Variants in DCC observed in about 807,000 individuals in gnomAD.
DCC encodes DCC netrin 1 receptor, also known as netrin receptor DCC.
In DCC, 58 loss-of-function variants were observed where a neutral mutation model predicts 172.5. That is an observed-to-expected ratio of 0.34 (90% confidence interval 0.27 to 0.42). The LOEUF is 0.42. Among genes scored for constraint, DCC ranks in the 10% least tolerant of loss-of-function variants. The pLI is 1.00. For synonymous variants in DCC, 709 were observed against 644.5 expected (o/e 1.10, Z -1.52); for missense variants, 1,740 against 1,791.0 (o/e 0.97, Z 0.51).
intron 9 of DCC, among the ~76,000 whole-genome samples, chr18:53,201,846 A>G (rs1265891039): frequency 1.3e-5 from 2 of 152,146 alleles, no homozygotes; most frequent in Non-Finnish European, 2.9e-5. Context: ...AGACACTCAT[A>G]AAGTGTCTGT....
chr18:53,192,141 G>GT (rs1462344403), intron 9 of DCC, among the ~76,000 whole-genome samples: 3 of 152,154 alleles, frequency 2.0e-5, no homozygotes, highest in African/African-American at 7.2e-5. Context: ...GGAAAACTAG[G>GT]TTTTCTGCCC....
At chr18:52,426,180 T>C (rs762205167) in intron 1 of DCC, among the ~76,000 whole-genome samples, 1 of 152,110 alleles carries the variant, frequency 6.6e-6, no homozygotes, top group African/African-American at 2.4e-5. Context: ...TTGTGCCTTA[T>C]GATGGTGGTG....
chr18:53,290,225 GA>G (rs2056985747), intron 12 of DCC, among the ~76,000 whole-genome samples: 3 of 152,152 alleles, frequency 2.0e-5, no homozygotes, highest in Admixed American at 1.3e-4. Context: ...TCCCTGGTAG[GA>G]ATATTTGTTA....
At chr18:53,068,554 A>G (rs2042606860) in intron 7 of DCC, among the ~76,000 whole-genome samples, 1 of 151,988 alleles carries the variant, frequency 6.6e-6, no homozygotes, top group Non-Finnish European at 1.5e-5. Flanking sequence ...AAAGCTGATG[A>G]CAATGCAAGA....
At chr18:52,494,836 G>T (rs2030679101) in intron 1 of DCC, among the ~76,000 whole-genome samples, 1 of 152,010 alleles carries the variant, frequency 6.6e-6, no homozygotes, top group Non-Finnish European at 1.5e-5. Flanking sequence ...AAAATTGCAT[G>T]TTAGTAATAT....
intron 5 of DCC, among the ~76,000 whole-genome samples, chr18:52,942,218 T>A (rs2040474877): frequency 6.6e-6 from 1 of 152,214 alleles, no homozygotes; most frequent in Non-Finnish European, 1.5e-5. Flanking sequence ...AGTTTATCCA[T>A]GTTTAGGGTT....
chr18:52,642,614 A>AT (rs551209619), intron 1 of DCC, among the ~76,000 whole-genome samples: 5 of 151,210 alleles, frequency 3.3e-5, no homozygotes, highest in Admixed American at 6.6e-5. Context: ...TGTTCTTAAT[A>AT]TTTTTTTTTA....
intron 27 of DCC, among the ~76,000 whole-genome samples, chr18:53,515,383 T>G (rs1158476802): frequency 6.6e-6 from 1 of 150,938 alleles, no homozygotes; most frequent in African/African-American, 2.4e-5. Context: ...CTTTGAAAAC[T>G]GGTACAAGAC....
At chr18:53,279,017 C>T (rs1260071610) in intron 12 of DCC, among the ~76,000 whole-genome samples, 1 of 152,190 alleles carries the variant, frequency 6.6e-6, no homozygotes, top group African/African-American at 2.4e-5. Context: ...AACTAGTTTA[C>T]AGTCCCACCA....
intron 2 of DCC, among the ~76,000 whole-genome samples, chr18:52,781,789 C>T (rs2037549245): frequency 6.6e-6 from 1 of 151,250 alleles, no homozygotes; most frequent in Non-Finnish European, 1.5e-5. Flanking sequence ...TTAAATTTTT[C>T]AATTTTTAAA....
intron 1 of DCC, among the ~76,000 whole-genome samples, chr18:52,464,937 A>C (rs891642686): frequency 5.3e-5 from 8 of 152,108 alleles, no homozygotes; most frequent in Non-Finnish European, 1.2e-4. Flanking sequence ...CAGTTTAGGT[A>C]GATATATAGA....
At chr18:53,413,220 G>A (rs1568116274) in intron 20 of DCC, among the ~76,000 whole-genome samples, 2 of 152,180 alleles carry the variant, frequency 1.3e-5, no homozygotes, top group African/African-American at 4.8e-5. Flanking sequence ...GTGGTATTCA[G>A]AGTGAAAGCC....
intron 2 of DCC, among the ~76,000 whole-genome samples, chr18:52,807,969 G>A (rs753847965): frequency 6.6e-6 from 1 of 152,110 alleles, no homozygotes; most frequent in African/African-American, 2.4e-5. Flanking sequence ...GTGTTAATTC[G>A]GACTGATACC....
At chr18:53,006,710 G>GA (rs1260357372) in intron 5 of DCC, among the ~76,000 whole-genome samples, 1 of 152,152 alleles carries the variant, frequency 6.6e-6, no homozygotes, top group East Asian at 1.9e-4. Flanking sequence ...AGGAAACAAA[G>GA]GCAGATGTCA....
intron 1 of DCC, among the ~76,000 whole-genome samples, chr18:52,500,551 T>G (rs538351133): frequency 6.6e-6 from 1 of 152,216 alleles, no homozygotes; most frequent in Non-Finnish European, 1.5e-5. Context: ...TTGGCGCTAA[T>G]AAGTATGTCT....
intron 2 of DCC, among the ~76,000 whole-genome samples, chr18:52,900,480 C>T (rs1258333363): frequency 6.6e-6 from 1 of 152,128 alleles, no homozygotes; most frequent in African/African-American, 2.4e-5. Context: ...GCTTACTGTA[C>T]AACTATAATT....
chr18:52,873,814 A>G (rs2039359774), intron 2 of DCC, among the ~76,000 whole-genome samples: 1 of 152,202 alleles, frequency 6.6e-6, no homozygotes, highest in Non-Finnish European at 1.5e-5. Flanking sequence ...AGGAAAGGAA[A>G]GTTTTCCATG....
At chr18:52,916,095 T>A (rs2145470316) in intron 3 of DCC, among the ~76,000 whole-genome samples, 1 of 152,272 alleles carries the variant, frequency 6.6e-6, no homozygotes, top group South Asian at 2.1e-4. Flanking sequence ...ACACATCTTT[T>A]TAGTATTCCA....
At chr18:52,827,556 G>T (rs1313120149) in intron 2 of DCC, among the ~76,000 whole-genome samples, 1 of 152,138 alleles carries the variant, frequency 6.6e-6, no homozygotes, top group African/African-American at 2.4e-5. Flanking sequence ...CAGTAGACTT[G>T]ACTGCATCAA....
Sources: gnomAD v4.1 joint callset for allele counts (sites outside exome capture counted in the v4.1 genomes callset) on GRCh38, gnomAD v4.1.1 for gene constraint, MANE v1.5 for transcripts, NCBI Gene and HGNC (gene_info 2026-07-23, HGNC 2026-07-21) for gene names.